The following TMEM131L variants were observed in gnomAD, a reference collection of about 807,000 sequenced individuals.
The protein encoded by TMEM131L is transmembrane protein 131-like.
Under a neutral mutation model 192.2 loss-of-function variants are expected in TMEM131L, and 54 were observed. The observed-to-expected ratio is 0.28, with a 90% CI of 0.23 to 0.35. TMEM131L has a LOEUF of 0.35. Ranked by LOEUF, TMEM131L falls within the 10% of genes least tolerant of loss-of-function variation. The probability of loss-of-function intolerance (pLI) is 1.00; values close to 1 mark genes in which losing one functional copy is unlikely to be tolerated. For missense variants in TMEM131L, 1,888 were observed against 1,972.9 expected, an observed-to-expected ratio of 0.96 and a Z score of 0.82; for synonymous variants, 701 against 704.9, an observed-to-expected ratio of 0.99 and a Z score of 0.09.
chr4:153,599,743 C>A (rs559036034), intron 21 of TMEM131L, among the ~76,000 whole-genome samples: 27 of 152,310 alleles, frequency 1.8e-4, no homozygotes, highest in African/African-American at 6.3e-4. Context: ...AAGACAGCCA[C>A]TAGCCACATG....
chr4:153,624,118 T>TC (rs1733652442), intron 29 of TMEM131L, among the ~76,000 whole-genome samples: 4 of 149,734 alleles, frequency 2.7e-5, no homozygotes, highest in African/African-American at 9.8e-5. Context: ...TTTTTTTTTT[T>TC]TAATTATTTA....
At chr4:153,539,610 T>A (rs1330900858) in intron 3 of TMEM131L, among the ~76,000 whole-genome samples, 1 of 150,464 alleles carries the variant, frequency 6.6e-6, no homozygotes, top group African/African-American at 2.5e-5. Flanking sequence ...AACACTGATA[T>A]ACATGTTAGT....
At chr4:153,595,841 A>G (rs115986969) in intron 19 of TMEM131L, among the ~76,000 whole-genome samples, 72 of 152,324 alleles carry the variant, frequency 4.7e-4, no homozygotes, top group Admixed American at 7.8e-4. Flanking sequence ...AATTCAGTAT[A>G]AAGAATTTAT....
intron 3 of TMEM131L, among the ~76,000 whole-genome samples, chr4:153,534,274 GATGTT>G (rs1736141121): frequency 6.6e-6 from 1 of 152,114 alleles, no homozygotes; most frequent in South Asian, 2.1e-4. Flanking sequence ...AAATTTTATG[GATGTT>G]ATAAGGTGAT....
chr4:153,581,707 C>T (rs1730352713), intron 9 of TMEM131L, 147 bp downstream of exon 9: 2 of 467,898 alleles, frequency 4.3e-6, no homozygotes, highest in Non-Finnish European at 7.0e-6. Flanking sequence ...AACTGGTTCT[C>T]AACCTACAAC....
chr4:153,591,141 G>A lies in TMEM131L; in HGVS notation c.1759G>A (p.Ala587Thr), dbSNP rs368760997. The A allele has an allele frequency of 1.2e-5, 20 of 1,610,926 alleles. No individual in the cohort carries two copies. The highest frequency in any genetic ancestry group is 2.2e-5 in the East Asian group (1 of 44,632). ...TGTTTTCTTTTTGCCTCGTTTGATC[G>A]CAGAGCCTGGCCTCATGTTAAACTT... The part of the protein sequence containing the change: ...SFVFFLPRLI[A>T]EPGLMLNFSA... The change falls in exon 17 of 35, where the codon GCA becomes ACA. Residue 587 changes from alanine to threonine, a missense_variant. Ala to Thr is a moderately conservative substitution (Grantham distance 58). Coordinates refer to ENST00000409959, the MANE Select transcript of TMEM131L (RefSeq NM_001131007.2).
At chr4:153,582,003 GTTTTATGAA>G (rs1730369874) in intron 9 of TMEM131L, among the ~76,000 whole-genome samples, 1 of 152,150 alleles carries the variant, frequency 6.6e-6, no homozygotes, top group Non-Finnish European at 1.5e-5. Flanking sequence ...TTAGTGTTCA[GTTTTATGAA>G]TTTTATCTTT....
At chr4:153,550,355 C>A (rs997211712) in intron 4 of TMEM131L, among the ~76,000 whole-genome samples, 1 of 152,084 alleles carries the variant, frequency 6.6e-6, no homozygotes, top group East Asian at 1.9e-4. Flanking sequence ...GAGACAGACT[C>A]CTGCTCTGTC....
At chr4:153,594,351 A>G (rs1164289897) in intron 19 of TMEM131L, among the ~76,000 whole-genome samples, 11 of 152,232 alleles carry the variant, frequency 7.2e-5, no homozygotes, top group African/African-American at 2.4e-4. Context: ...GCCTGTGGGC[A>G]GTCATGAGGT....
chr4:153,526,901 A>G (rs929081190), intron 3 of TMEM131L, among the ~76,000 whole-genome samples: 1 of 152,130 alleles, frequency 6.6e-6, no homozygotes, highest in Non-Finnish European at 1.5e-5. Flanking sequence ...CATCATGTCT[A>G]TTCTGTTGAG....
rs181219289 is a variant in TMEM131L at position 153,507,886 on chromosome 4, A to G, written c.239+33998A>G. On this transcript the variant is annotated intron_variant, in intron 3 of 34. Transcript: ENST00000409959. ...TTCAGCCCAGATCCTAGGGCTGGGTATCACCATCCTCTGCTGCAGTAAATG... is the reference window on the plus strand; with the variant it reads ...TTCAGCCCAGATCCTAGGGCTGGGTGTCACCATCCTCTGCTGCAGTAAATG... 6.2e-4 allele frequency among the ~76,000 whole-genome samples: 95 copies of G among 152,306 alleles called. 1 individual carries two copies. Among genetic ancestry groups the G allele is most frequent in the African/African-American group, 1.9e-3 (79 of 41,554 alleles).
chr4:153,484,561 C>T (rs190243766), intron 3 of TMEM131L, among the ~76,000 whole-genome samples: 2,974 of 150,944 alleles, frequency 0.02, 99 homozygotes, highest in African/African-American at 0.068. Context: ...CTCTGCCTCC[C>T]GGGTTCATGC....
chr4:153,555,981 A>C lies in TMEM131L; in HGVS notation c.432+71A>C. Reference sequence around the variant, plus strand: ...AGGTTTTCTTGCTTTCTTTGGCCTGAAGTTTTTACTTTCTGCTCCCTGTCT... The same window carrying C: ...AGGTTTTCTTGCTTTCTTTGGCCTGCAGTTTTTACTTTCTGCTCCCTGTCT... On this transcript the variant is annotated intron_variant, in intron 5 of 34. Transcript: ENST00000409959. This position sits in a 1 kb window ranked among gnomAD's most constrained non-coding sequence, Gnocchi z 4.1. The C allele has an allele frequency of 6.7e-7, 1 of 1,489,470 alleles. No homozygotes were observed. Among genetic ancestry groups the C allele is most frequent in the Non-Finnish European group, 9.1e-7 (1 of 1,104,296 alleles). The allele number at this position is 1,489,470 out of a possible 1,614,324, so 92.3% of individuals were successfully genotyped here. A position where few individuals can be genotyped will look rare whatever the true frequency, so the allele number is the denominator to read the frequency against.
chr4:153,480,005 G>A (rs1353583377), intron 3 of TMEM131L, among the ~76,000 whole-genome samples: 2 of 152,224 alleles, frequency 1.3e-5, no homozygotes, highest in African/African-American at 4.8e-5. Flanking sequence ...GACGTCAGGA[G>A]ACCAGCCTGG....
chr4:153,508,525 A>G (rs1349794468), intron 3 of TMEM131L, among the ~76,000 whole-genome samples: 1 of 152,192 alleles, frequency 6.6e-6, no homozygotes, highest in Non-Finnish European at 1.5e-5. Flanking sequence ...GCAATGTGCT[A>G]GGTTCCTTAA....
intron 20 of TMEM131L, among the ~76,000 whole-genome samples, chr4:153,598,325 G>A (rs1397788245): frequency 6.6e-6 from 1 of 152,016 alleles, no homozygotes; most frequent in Non-Finnish European, 1.5e-5. Flanking sequence ...TGTGGGCTGT[G>A]GTTGGAAGGG....
intron 7 of TMEM131L, chr4:153,558,890 T>G (rs1005940928): frequency 6.6e-6 from 1 of 152,280 alleles, no homozygotes; most frequent in Non-Finnish European, 1.5e-5. Flanking sequence ...TGTATAATGA[T>G]AAGTTTAAAT....
In TMEM131L at chr4:153,602,327, T is replaced by G. The variant is rs766147083; in HGVS notation, c.2442T>G (p.Asp814Glu). The change falls in exon 22 of 35, where the codon GAT (aspartate) becomes GAG (glutamate). Residue 814 changes from aspartate (D) to glutamate (E), a missense_variant. Asp to Glu is a conservative substitution (Grantham distance 45). Coordinates refer to ENST00000409959, the MANE Select transcript of TMEM131L (RefSeq NM_001131007.2). ...CCCTGGACCCAAACACATCCCGCGA[T>G]ATCAGCATTGTGTAAGCATTGGGCT... ...QFSLDPNTSR[D>E]ISIVFTPDFT... The G allele has an allele frequency of 3.1e-6, 5 of 1,613,284 alleles. No homozygotes were observed. In the African/African-American group the frequency reaches 6.7e-5, roughly 22 times the overall value.
At chr4:153,542,827 A>T (rs916707856) in intron 3 of TMEM131L, among the ~76,000 whole-genome samples, 1 of 152,178 alleles carries the variant, frequency 6.6e-6, no homozygotes, top group African/African-American at 2.4e-5. Flanking sequence ...AGGGCAGGAC[A>T]GGGGGCTGTG....
Sources: gnomAD v4.1 joint callset for allele counts (sites outside exome capture counted in the v4.1 genomes callset) on GRCh38, gnomAD v4.1.1 for gene constraint, Gnocchi (gnomAD v3.1) non-coding constraint, MANE v1.5 for transcripts, NCBI Gene and HGNC (gene_info 2026-07-23, HGNC 2026-07-21) for gene names.